PLXNA4: variants seen among roughly 807,000 people sequenced by gnomAD.
PLXNA4 encodes plexin A4.
In PLXNA4, 44 loss-of-function variants were observed where a neutral mutation model predicts 191.8. That is an observed-to-expected ratio of 0.23 (90% CI 0.18 to 0.29). The LOEUF is 0.29. PLXNA4 is among the 10% of genes least tolerant of loss of function. The pLI is 1.00. For synonymous variants in PLXNA4, 1,082 were observed against 1,009.5 expected (o/e 1.07, Z -1.36); for missense variants, 1,800 against 2,488.8 (o/e 0.72, Z 5.89).
chr7:132,595,796 C>T (rs374083704), intron 2 of PLXNA4, among the ~76,000 whole-genome samples: 1 of 152,164 alleles, frequency 6.6e-6, no homozygotes, highest in East Asian at 1.9e-4. Context: ...ATAAAATGAA[C>T]ACTAGGTGCC....
chr7:132,496,684 G>A (rs1798026014), intron 2 of PLXNA4, among the ~76,000 whole-genome samples: 2 of 152,300 alleles, frequency 1.3e-5, no homozygotes, highest in African/African-American at 4.8e-5. Flanking sequence ...ATAGGCATGA[G>A]CTACCACACC....
At chr7:132,541,776 AGAT>A (rs1800098472) in intron 1 of PLXNA4, among the ~76,000 whole-genome samples, 1 of 152,244 alleles carries the variant, frequency 6.6e-6, no homozygotes, top group Non-Finnish European at 1.5e-5. Context: ...AGGCAGGCAG[AGAT>A]GATAAGTTGT....
At chr7:132,574,392 G>A (rs1037025887) in intron 1 of PLXNA4, among the ~76,000 whole-genome samples, 10 of 152,230 alleles carry the variant, frequency 6.6e-5, no homozygotes, top group Non-Finnish European at 1.3e-4. Flanking sequence ...GCTGCTGTAC[G>A]CGTAGGTGGG....
At chr7:132,198,855 C>G (rs17166237) in intron 12 of PLXNA4, among the ~76,000 whole-genome samples, 14,568 of 152,184 alleles carry the variant, frequency 0.096, 1,333 homozygotes, top group East Asian at 0.44. Flanking sequence ...GTATGCAAAG[C>G]CCATGGTACA....
At chr7:132,532,449 C>T (rs1264715317) in intron 1 of PLXNA4, among the ~76,000 whole-genome samples, 5 of 152,162 alleles carry the variant, frequency 3.3e-5, no homozygotes, top group Non-Finnish European at 7.3e-5. Flanking sequence ...GGGTCACTTC[C>T]TCTTTATTCT....
chr7:132,374,885 C>T (rs1283556387), intron 3 of PLXNA4, among the ~76,000 whole-genome samples: 1 of 152,182 alleles, frequency 6.6e-6, no homozygotes, highest in African/African-American at 2.4e-5. Flanking sequence ...AGGGGTAAGC[C>T]ACCCAGAGTC....
At chr7:132,307,762 G>A (rs2116561888) in intron 3 of PLXNA4, among the ~76,000 whole-genome samples, 1 of 151,612 alleles carries the variant, frequency 6.6e-6, no homozygotes, top group Admixed American at 6.6e-5. Context: ...TGTTCATGCT[G>A]CTTAAGCTGC....
At chr7:132,379,960 G>T (rs1445756559) in intron 3 of PLXNA4, among the ~76,000 whole-genome samples, 1 of 152,094 alleles carries the variant, frequency 6.6e-6, no homozygotes, top group Non-Finnish European at 1.5e-5. Flanking sequence ...TATGTTCTTG[G>T]ACTTGCCACC....
In PLXNA4 at chr7:132,128,863, A is replaced by T. The variant is rs1298660806; in HGVS notation, c.*1616T>A. On this transcript the variant is annotated 3_prime_UTR_variant, in exon 32 of 32. Transcript: ENST00000321063. ...TCCTTGTCTCCCATAGTGGTGAACA[A>T]CTCCAGAGCAGAGGTGCCAACAGAG... 6.6e-6 allele frequency: 1 copy of T among 152,048 alleles called. No homozygotes were observed. The highest frequency in any genetic ancestry group is 1.5e-5 in the Non-Finnish European group (1 of 68,008). The allele number at this position is 152,048 out of a possible 1,614,324, so 9.4% of individuals were successfully genotyped here. A position where few individuals can be genotyped will look rare whatever the true frequency, so the allele number is the denominator to read the frequency against.
At chr7:132,621,198 C>A (rs117050300) in intron 2 of PLXNA4, among the ~76,000 whole-genome samples, 2,830 of 151,806 alleles carry the variant, frequency 0.019, 61 homozygotes, top group Middle Eastern at 0.065. Context: ...TTACCTAGTC[C>A]CTAACTGCTG....
intron 3 of PLXNA4, among the ~76,000 whole-genome samples, chr7:132,365,277 G>C (rs982599907): frequency 5.3e-5 from 8 of 152,062 alleles, no homozygotes; most frequent in Non-Finnish European, 8.8e-5. Flanking sequence ...TGCAGAAGGT[G>C]TCCCTTCAGG....
rs181066302 is a variant in PLXNA4 at position 132,192,159 on chromosome 7, G to A, written c.2856+1903C>T. On this transcript the variant is annotated intron_variant, in intron 14 of 31. Transcript: ENST00000321063. ...GGCACGACACTCACGTTTCTCTAAGGTTTGGCCCTGACCATGTTCAAGTCT... is the reference window on the plus strand; with the variant it reads ...GGCACGACACTCACGTTTCTCTAAGATTTGGCCCTGACCATGTTCAAGTCT... 1.2e-3 allele frequency among the ~76,000 whole-genome samples: 187 copies of A among 152,160 alleles called. 1 individual carries two copies. The highest frequency in any genetic ancestry group is 2.3e-3 in the Non-Finnish European group (157 of 68,044).
chr7:132,382,087 G>A (rs538077734), intron 3 of PLXNA4, among the ~76,000 whole-genome samples: 2 of 152,306 alleles, frequency 1.3e-5, no homozygotes, highest in South Asian at 4.1e-4. Context: ...AAAGAAAGCT[G>A]GGGACTTTTC....
At chr7:132,326,250 T>C (rs1420442248) in intron 3 of PLXNA4, among the ~76,000 whole-genome samples, 2 of 152,170 alleles carry the variant, frequency 1.3e-5, no homozygotes, top group Non-Finnish European at 2.9e-5. Flanking sequence ...ACTCACACCA[T>C]TGACCTCCCT....
chr7:132,145,840 C>A (rs566037099), intron 28 of PLXNA4, among the ~76,000 whole-genome samples: 5 of 147,220 alleles, frequency 3.4e-5, no homozygotes, highest in Non-Finnish European at 5.9e-5. Context: ...GAGGCTGAGG[C>A]GGACGGATCA....
chr7:132,431,917 C>A (rs756443780), intron 3 of PLXNA4, among the ~76,000 whole-genome samples: 82 of 152,162 alleles, frequency 5.4e-4, no homozygotes, highest in Non-Finnish European at 1.9e-4. Context: ...TAGGACCTCG[C>A]CTCTCATAAT....
chr7:132,558,167 C>A (rs1417553939), intron 1 of PLXNA4, among the ~76,000 whole-genome samples: 1 of 152,222 alleles, frequency 6.6e-6, no homozygotes, highest in African/African-American at 2.4e-5. Context: ...CCAGACCTGG[C>A]ATGTGGCTAA....
chr7:132,305,684 G>A (rs1412617750), intron 3 of PLXNA4, among the ~76,000 whole-genome samples: 2 of 152,214 alleles, frequency 1.3e-5, no homozygotes, highest in Non-Finnish European at 2.9e-5. Context: ...GGGCCGGGCT[G>A]TTTATTTACA....
At chr7:132,474,085 T>C (rs1003473980) in intron 3 of PLXNA4, among the ~76,000 whole-genome samples, 3 of 150,594 alleles carry the variant, frequency 2.0e-5, no homozygotes, top group Non-Finnish European at 3.0e-5. Context: ...AACAGGGCAA[T>C]AAACACCTAG....
Sources: gnomAD v4.1 joint callset for allele counts (sites outside exome capture counted in the v4.1 genomes callset) on GRCh38, gnomAD v4.1.1 for gene constraint, MANE v1.5 for transcripts, NCBI Gene and HGNC (gene_info 2026-07-23, HGNC 2026-07-21) for gene names.